The following RANBP17 variants were observed in gnomAD, a reference collection of about 807,000 sequenced individuals.
RANBP17 encodes the protein RAN binding protein 17.
Under a neutral mutation model 141.2 loss-of-function variants are expected in RANBP17, and 158 were observed. The observed-to-expected ratio is 1.12, with a 90% CI of 0.98 to 1.28. The LOEUF is 1.28. Among genes scored for constraint, RANBP17 ranks in the 50% most tolerant of loss-of-function variants. The pLI is 0.00. For synonymous variants in RANBP17, 430 were observed against 450.0 expected (o/e 0.96, Z 0.56); for missense variants, 1,438 against 1,290.7 (o/e 1.11, Z -1.75).
In RANBP17 at chr5:171,182,636, G is replaced by A. The variant is rs181303178; in HGVS notation, c.1866-531G>A. 2.1e-3 allele frequency among the ~76,000 whole-genome samples: 319 copies of A among 152,312 alleles called. 2 individuals carry two copies. The highest frequency in any genetic ancestry group is 0.019 in the South Asian group (91 of 4,820). ...AATGCCTTTTACGTACTAGGCACTT[G>A]AGAAATATTAGTTCCTTTAAGCTGT... is the stretch of plus-strand genomic sequence containing the variant. On this transcript the variant is annotated intron_variant, in intron 16 of 27. Transcript: ENST00000523189.
At chr5:171,211,148 CAAAAT>C (rs929013934) in intron 20 of RANBP17, among the ~76,000 whole-genome samples, 4 of 152,020 alleles carry the variant, frequency 2.6e-5, no homozygotes, top group South Asian at 4.1e-4. Flanking sequence ...TGATAACAGT[CAAAAT>C]AAAGTTAATC....
rs374599570 is a variant in RANBP17 at position 170,876,578 on chromosome 5, T to G, written c.19-1519T>G. ...TATCTTAATCAGCCTATTTGAAATC[T>G]TATTTTTGGACTTCTGTGTTTACTC... On this transcript the variant is annotated intron_variant, in intron 1 of 27. Transcript: ENST00000523189. 4.1e-4 allele frequency among the ~76,000 whole-genome samples: 63 copies of G among 152,286 alleles called. 1 individual carries two copies. In the South Asian group the frequency reaches 0.013, roughly 31 times the overall value.
intron 24 of RANBP17, among the ~76,000 whole-genome samples, chr5:171,261,827 T>C (rs534228478): frequency 1.4e-4 from 21 of 152,340 alleles, no homozygotes; most frequent in African/African-American, 5.0e-4. Context: ...TCTCACATAG[T>C]AGCTTGAGCT....
chr5:171,144,483 G>A (rs539688736), intron 14 of RANBP17, among the ~76,000 whole-genome samples: 1 of 152,288 alleles, frequency 6.6e-6, no homozygotes, highest in African/African-American at 2.4e-5. Flanking sequence ...GAATTATTCT[G>A]GTGGCAGTGG....
Position 171,199,703 on chromosome 5 carries a change from T to G in RANBP17, c.2072T>G (p.Leu691Arg), listed in dbSNP as rs762477448. The G allele has an allele frequency of 6.8e-6, 11 of 1,611,128 alleles. No individual in the cohort carries two copies. Among genetic ancestry groups the G allele is most frequent in the Non-Finnish European group, 9.3e-6 (11 of 1,178,288 alleles). The change falls in exon 19 of 28, where the codon CTG becomes CGG. Residue 691 changes from leucine to arginine, a missense_variant. Leu to Arg is a moderately radical substitution (Grantham distance 102). Coordinates refer to ENST00000523189, the MANE Select transcript of RANBP17 (RefSeq NM_022897.5). ...EDEDEFENFM[L>R]PLTVAFETVL... is the part of the protein sequence containing the mutation. ...GAGGATGAATTTGAGAATTTCATGC[T>G]GCCTCTTACAGTTGCTTTTGAAACA...
intron 14 of RANBP17, among the ~76,000 whole-genome samples, chr5:170,998,389 T>G (rs1261000914): frequency 3.3e-5 from 5 of 152,180 alleles, no homozygotes; most frequent in Non-Finnish European, 2.9e-5. Flanking sequence ...TTATAAACTT[T>G]GGTTTGCTTT....
chr5:171,055,225 A>G (rs1038972628), intron 14 of RANBP17, among the ~76,000 whole-genome samples: 2 of 152,160 alleles, frequency 1.3e-5, no homozygotes, highest in African/African-American at 2.4e-5. Flanking sequence ...AGATTTTTAC[A>G]TTACTCATCC....
chr5:171,199,790 A>G lies in RANBP17; in HGVS notation c.2142+17A>G. On this transcript the variant is annotated intron_variant, in intron 19 of 27. Coordinates refer to ENST00000523189, the MANE Select transcript of RANBP17 (RefSeq NM_022897.5). ...GATGTAAAGGTGGGTTTGTTTCCAAATATGAGGAATGACAGTTTTGTTTTT... is the reference window on the plus strand; with the variant it reads ...GATGTAAAGGTGGGTTTGTTTCCAAGTATGAGGAATGACAGTTTTGTTTTT... 6.8e-7 allele frequency: 1 copy of G among 1,473,004 alleles called. No homozygotes were observed. Among genetic ancestry groups the G allele is most frequent in the Non-Finnish European group, 9.4e-7 (1 of 1,060,844 alleles). 91.2% of individuals were successfully genotyped at this position (1,473,004 alleles called of 1,614,324 possible). A position where few individuals can be genotyped will look rare whatever the true frequency, so the allele number is the denominator to read the frequency against.
intron 24 of RANBP17, among the ~76,000 whole-genome samples, chr5:171,247,243 A>T (rs1765262568): frequency 6.6e-6 from 1 of 152,146 alleles, no homozygotes; most frequent in African/African-American, 2.4e-5. Flanking sequence ...CCTGGTAGAG[A>T]TTATTTTCTT....
At chr5:171,047,675 T>C (rs1271622291) in intron 14 of RANBP17, among the ~76,000 whole-genome samples, 1 of 152,062 alleles carries the variant, frequency 6.6e-6, no homozygotes, top group East Asian at 1.9e-4. Context: ...CCTGACCTCA[T>C]GATCCGCCTG....
rs537901284 is a variant in RANBP17, at chr5:171,274,168, G to A, written c.2943+8321G>A. 5.6e-3 allele frequency among the ~76,000 whole-genome samples: 831 copies of A among 149,140 alleles called. 5 individuals are homozygous for A. The highest frequency in any genetic ancestry group is 8.1e-3 in the Non-Finnish European group (547 of 67,208). ...TGTGTGTGCGCGCGCGCGCGCGTGCGCAAAATCTAACTACTGAGGATCAAA... is the reference window on the plus strand; with the variant it reads ...TGTGTGTGCGCGCGCGCGCGCGTGCACAAAATCTAACTACTGAGGATCAAA... On this transcript the variant is annotated intron_variant, in intron 25 of 27. Transcript: ENST00000523189.
Position 170,924,475 on chromosome 5 carries a change from G to T in RANBP17, c.1393G>T (p.Asp465Tyr). 1.2e-6 allele frequency: 2 copies of T among 1,613,026 alleles called. No individual in the cohort carries two copies. The highest frequency in any genetic ancestry group is 1.1e-5 in the South Asian group (1 of 91,004). ...KTCALLVQLF[D>Y]QNAQNYQKLL... is the part of the protein sequence containing the mutation. ...ATGTGCTCTTCTTGTGCAGTTATTC[G>T]ACCAAAATGCACAGAATTACCAAAA... is the stretch of plus-strand genomic sequence containing the variant. The change falls in exon 12 of 28, where the codon GAC becomes TAC. Residue 465 changes from aspartate to tyrosine, a missense_variant. Transcript: ENST00000523189.
At chr5:171,272,527 AT>A (rs201082107) in intron 25 of RANBP17, among the ~76,000 whole-genome samples, 2,798 of 152,282 alleles carry the variant, frequency 0.018, 89 homozygotes, top group African/African-American at 0.064. Context: ...ACAAAAAAAA[AT>A]AGGAAACATT....
At chr5:171,233,630 G>A (rs1764344630) in intron 22 of RANBP17, among the ~76,000 whole-genome samples, 1 of 152,166 alleles carries the variant, frequency 6.6e-6, no homozygotes, top group African/African-American at 2.4e-5. Flanking sequence ...CTGAGTGAAA[G>A]AAGCCAATCT....
intron 20 of RANBP17, chr5:171,207,952 T>C (rs1272568529): frequency 2.0e-5 from 3 of 152,098 alleles, no homozygotes; most frequent in Non-Finnish European, 2.9e-5. Flanking sequence ...ATTCAAGTAA[T>C]GCAAAAATGA....
intron 14 of RANBP17, among the ~76,000 whole-genome samples, chr5:170,989,353 A>G (rs1203289674): frequency 6.6e-6 from 1 of 151,770 alleles, no homozygotes; most frequent in African/African-American, 2.4e-5. Context: ...TGGCTTGAGT[A>G]TCATTTGGAA....
intron 21 of RANBP17, among the ~76,000 whole-genome samples, chr5:171,216,444 T>C (rs1261892287): frequency 6.6e-6 from 1 of 152,170 alleles, no homozygotes; most frequent in Admixed American, 6.6e-5. Context: ...CGAAGAAAGA[T>C]ACTGGTAGCT....
chr5:171,154,908 T>G (rs1406988987), intron 14 of RANBP17, among the ~76,000 whole-genome samples: 1 of 151,392 alleles, frequency 6.6e-6, no homozygotes, highest in Non-Finnish European at 1.5e-5. Context: ...AAACCCTGTC[T>G]CTACTAAAAA....
At chr5:170,919,299 A>G (rs906177362) in intron 10 of RANBP17, 142 bp from the exon 11 acceptor site, 2 of 543,922 alleles carry the variant, frequency 3.7e-6, no homozygotes, top group African/African-American at 3.9e-5. Flanking sequence ...TTGCATTTAT[A>G]AATTTGCTAT....
Sources: allele counts gnomAD v4.1 joint callset (sites outside exome capture counted in the v4.1 genomes callset), GRCh38; gene constraint gnomAD v4.1.1; transcripts MANE v1.5; gene names NCBI Gene and HGNC (gene_info 2026-07-23, HGNC 2026-07-21).